Variants in MAPK10 observed in about 807,000 individuals in gnomAD.
MAPK10 encodes JNK3 alpha protein kinase.
A neutral mutation model predicts 59.3 loss-of-function variants in MAPK10; 25 were observed. That is an observed-to-expected ratio of 0.42 (90% CI 0.31 to 0.59). MAPK10 has a LOEUF of 0.59. Among genes scored for constraint, MAPK10 ranks in the 20% least tolerant of loss-of-function variants. The probability of loss-of-function intolerance (pLI) is 0.15; values close to 1 mark genes in which losing one functional copy is unlikely to be tolerated. For missense variants in MAPK10, 351 were observed against 568.9 expected (o/e 0.62, Z 3.90); for synonymous variants, 190 against 200.5 (o/e 0.95, Z 0.44).
At chr4:86,201,082 G>C (rs2082511595) in intron 2 of MAPK10, among the ~76,000 whole-genome samples, 1 of 151,768 alleles carries the variant, frequency 6.6e-6, no homozygotes, top group African/African-American at 2.4e-5. Flanking sequence ...CCACATATGA[G>C]TGAGAACATG....
chr4:86,377,647 A>G (rs1578981588), intron 1 of MAPK10, among the ~76,000 whole-genome samples: 1 of 152,230 alleles, frequency 6.6e-6, no homozygotes, highest in Non-Finnish European at 1.5e-5. Flanking sequence ...GAATCGGTGA[A>G]TCACTAAAGC....
rs368457987 is a variant in MAPK10, at chr4:86,346,696, T to G, written c.-7+7834A>C. Among the ~76,000 whole-genome samples, 6 of 146,532 alleles carry G rather than the reference T, an allele frequency of 4.1e-5. No individual in the cohort carries two copies. The East Asian group carries it at 1.2e-3, about 30-fold the overall frequency. On this transcript the variant is annotated intron_variant, in intron 2 of 13. Transcript: ENST00000641462. Reference sequence around the variant, plus strand: ...GCCCTCCGTATCTGGAGGTTTCACATCCCAGGAATACTGTATTTTTAACCC... The same window carrying G: ...GCCCTCCGTATCTGGAGGTTTCACAGCCCAGGAATACTGTATTTTTAACCC...
At chr4:86,219,885 G>A (rs138151393) in intron 2 of MAPK10, 17 of 152,186 alleles carry the variant, frequency 1.1e-4, no homozygotes, top group East Asian at 7.7e-4. Flanking sequence ...ATTGAAAACC[G>A]TCTACAGATA....
intron 9 of MAPK10, among the ~76,000 whole-genome samples, chr4:86,070,607 G>C (rs2047700668): frequency 7.2e-6 from 1 of 138,984 alleles, no homozygotes; most frequent in Non-Finnish European, 1.5e-5. Flanking sequence ...TGATCTCATT[G>C]TTCAATTCCC....
intron 2 of MAPK10, among the ~76,000 whole-genome samples, chr4:86,312,709 A>C (rs2148872801): frequency 6.6e-6 from 1 of 152,202 alleles, no homozygotes; most frequent in Non-Finnish European, 1.5e-5. Flanking sequence ...GTTTAGCTGG[A>C]ATTCAGGGAA....
intron 1 of MAPK10, among the ~76,000 whole-genome samples, chr4:86,484,237 T>G (rs1009447835): frequency 5.3e-5 from 8 of 152,236 alleles, no homozygotes; most frequent in Admixed American, 5.2e-4. Flanking sequence ...TGAGTGCTAA[T>G]GGGCGCCATT....
At chr4:86,022,489 T>C (rs1747730842) in intron 13 of MAPK10, among the ~76,000 whole-genome samples, 1 of 150,592 alleles carries the variant, frequency 6.6e-6, no homozygotes, top group African/African-American at 2.5e-5. Context: ...CTTTCTTCCT[T>C]TCTTTCTTGC....
At chr4:86,439,630 A>G (rs1469469097) in intron 1 of MAPK10, among the ~76,000 whole-genome samples, 2 of 152,216 alleles carry the variant, frequency 1.3e-5, no homozygotes, top group Non-Finnish European at 2.9e-5. Flanking sequence ...TTGCTGGGTT[A>G]TATTGTAAGT....
At chr4:86,464,414 T>C (rs969112318) in intron 1 of MAPK10, among the ~76,000 whole-genome samples, 1 of 152,236 alleles carries the variant, frequency 6.6e-6, no homozygotes, top group African/African-American at 2.4e-5. Flanking sequence ...GATTTCTGAT[T>C]CTTCACACGT....
At chr4:86,240,522 C>G (rs1182720364) in intron 2 of MAPK10, among the ~76,000 whole-genome samples, 1 of 152,086 alleles carries the variant, frequency 6.6e-6, no homozygotes, top group African/African-American at 2.4e-5. Flanking sequence ...ATTGTGGGTA[C>G]TCCTGTATTG....
At chr4:86,238,340 A>C (rs1307076828) in intron 2 of MAPK10, among the ~76,000 whole-genome samples, 1 of 152,042 alleles carries the variant, frequency 6.6e-6, no homozygotes, top group African/African-American at 2.4e-5. Context: ...GTCTTCTTTG[A>C]TTCCATATGA....
intron 4 of MAPK10, among the ~76,000 whole-genome samples, chr4:86,151,033 C>T (rs1312024080): frequency 3.9e-5 from 6 of 151,976 alleles, no homozygotes; most frequent in African/African-American, 1.5e-4. Context: ...GGTGAGAGGT[C>T]GTCCATAGGC....
rs185691034 is a variant in MAPK10, at chr4:86,340,657, A to C, written c.-7+13873T>G. Among the ~76,000 whole-genome samples the C allele has an allele frequency of 4.1e-3, 631 of 152,258 alleles. 6 individuals carry two copies. Among genetic ancestry groups the C allele is most frequent in the Non-Finnish European group, 6.6e-3 (448 of 68,010 alleles). Reference sequence around the variant, plus strand: ...ATATCACACATCTAGTATATGGTTAAGGTAAGTGTACCCCATACTAAAAAG... The same window carrying C: ...ATATCACACATCTAGTATATGGTTACGGTAAGTGTACCCCATACTAAAAAG... On this transcript the variant is annotated intron_variant, in intron 2 of 13. Transcript: ENST00000641462.
chr4:86,503,499 A>C (rs761661746), intron 1 of MAPK10, among the ~76,000 whole-genome samples: 6 of 152,144 alleles, frequency 3.9e-5, no homozygotes, highest in Non-Finnish European at 7.4e-5. Flanking sequence ...TCAAAGGCTC[A>C]TTATTACCTA....
intron 1 of MAPK10, among the ~76,000 whole-genome samples, chr4:86,521,710 A>G (rs761846123): frequency 5.9e-5 from 9 of 152,064 alleles, no homozygotes; most frequent in Non-Finnish European, 1.3e-4. Flanking sequence ...ATCTTGCCCC[A>G]GGCTACAATC....
At chr4:86,481,922 C>G (rs907351121) in intron 1 of MAPK10, among the ~76,000 whole-genome samples, 1 of 152,052 alleles carries the variant, frequency 6.6e-6, no homozygotes, top group African/African-American at 2.4e-5. Context: ...GTTTTAAAGT[C>G]AAGTAGGAGT....
chr4:86,423,793 A>ATATATATATATATG (rs1564842450), intron 1 of MAPK10, among the ~76,000 whole-genome samples: 5 of 146,286 alleles, frequency 3.4e-5, no homozygotes, highest in African/African-American at 5.0e-5. Context: ...ATATATATAT[A>ATATATATATATATG]TATGTTTAGG....
At chr4:86,443,850 G>T (rs1362343664) in intron 1 of MAPK10, among the ~76,000 whole-genome samples, 1 of 151,978 alleles carries the variant, frequency 6.6e-6, no homozygotes, top group Non-Finnish European at 1.5e-5. Flanking sequence ...ACTTGCTAAG[G>T]GCACAAACGG....
chr4:86,225,803 T>C (rs561149941), intron 2 of MAPK10, among the ~76,000 whole-genome samples: 2 of 152,348 alleles, frequency 1.3e-5, no homozygotes, highest in African/African-American at 4.8e-5. Context: ...GGCAGTGCAC[T>C]ATTGGTGCCC....
Sources: allele counts gnomAD v4.1 joint callset (sites outside exome capture counted in the v4.1 genomes callset), GRCh38; gene constraint gnomAD v4.1.1; transcripts MANE v1.5; gene names NCBI Gene and HGNC (gene_info 2026-07-23, HGNC 2026-07-21).